The following HELLS variants were observed in gnomAD, a reference collection of about 807,000 sequenced individuals.
The protein encoded by HELLS is helicase, lymphoid specific.
In HELLS, 32 loss-of-function variants were observed where a neutral mutation model predicts 120.0. The ratio of observed to expected loss-of-function variants is 0.27; its 90% CI spans 0.20 to 0.36. The LOEUF is 0.36. Among genes scored for constraint, HELLS ranks in the 10% least tolerant of loss-of-function variants. The probability of loss-of-function intolerance (pLI) is 1.00; values close to 1 mark genes in which losing one functional copy is unlikely to be tolerated. For synonymous variants in HELLS, 341 were observed against 323.4 expected, an observed-to-expected ratio of 1.05 and a Z score of -0.58; for missense variants, 650 against 993.4, an observed-to-expected ratio of 0.65 and a Z score of 4.65.
At chr10:94,547,825 A>G (rs1842808124) in intron 2 of HELLS, among the ~76,000 whole-genome samples, 1 of 152,178 alleles carries the variant, frequency 6.6e-6, no homozygotes, top group Non-Finnish European at 1.5e-5. Context: ...TCTAGAATGC[A>G]CATTTTTTAA....
At chr10:94,576,549 A>T (rs1844494560) in intron 9 of HELLS, 113 bp from the exon 10 acceptor site, 2 of 556,340 alleles carry the variant, frequency 3.6e-6, no homozygotes. Context: ...GAAAAATAGA[A>T]ATAAAATTTT....
intron 21 of HELLS, 50 bp downstream of exon 21, chr10:94,597,161 T>TA: frequency 9.7e-7 from 1 of 1,027,862 alleles, no homozygotes; most frequent in Non-Finnish European, 1.5e-6. Context: ...TACACTTAAT[T>TA]AGCATAATGT....
rs918155667 is a variant in HELLS at position 94,548,186 on chromosome 10, G to C, written c.153+1688G>C. Among the ~76,000 whole-genome samples the C allele has an allele frequency of 2.0e-5, 3 of 152,292 alleles. No individual in the cohort carries two copies. In the East Asian group the frequency reaches 5.8e-4, roughly 29 times the overall value. The stretch of plus-strand genomic sequence containing the variant: ...GCACCTGGCACATAGTAGGCAATCA[G>C]TAAGTGCTTATTGAATAGCTAACGA... On this transcript the variant is annotated intron_variant, in intron 2 of 21. Transcript: ENST00000348459.
chr10:94,561,878 C>CCCTACCT (rs1843571654), intron 4 of HELLS, among the ~76,000 whole-genome samples: 1 of 151,776 alleles, frequency 6.6e-6, no homozygotes, highest in African/African-American at 2.4e-5. Flanking sequence ...ATTTCATTCA[C>CCCTACCT]AATGAATATT....
chr10:94,595,715 C>T (rs1219665440), intron 19 of HELLS, among the ~76,000 whole-genome samples: 1 of 152,142 alleles, frequency 6.6e-6, no homozygotes, highest in East Asian at 1.9e-4. Context: ...ATACTTCTAT[C>T]CATTCACCAT....
downstream of HELLS, among the ~76,000 whole-genome samples, chr10:94,603,987 C>G (rs1846097815): frequency 6.6e-6 from 1 of 152,122 alleles, no homozygotes; most frequent in Non-Finnish European, 1.5e-5. Context: ...GCCACCATGC[C>G]TGGCTAATTT....
At chr10:94,579,201 CTTTT>C (rs11431624) in intron 10 of HELLS, among the ~76,000 whole-genome samples, 22,545 of 133,742 alleles carry the variant, frequency 0.17, 1,949 homozygotes, top group East Asian at 0.38. Flanking sequence ...CTACTTTTTT[CTTTT>C]TTTTTTTTTT....
At chr10:94,581,212 A>G (rs1844852134) in intron 10 of HELLS, 114 bp from the exon 11 acceptor site, 1 of 582,258 alleles carries the variant, frequency 1.7e-6, no homozygotes, top group Non-Finnish European at 2.9e-6. Flanking sequence ...CTGAAATTAC[A>G]TTTGATAAAA....
At chr10:94,553,683 G>T (rs1843098522) in intron 2 of HELLS, among the ~76,000 whole-genome samples, 2 of 151,578 alleles carry the variant, frequency 1.3e-5, no homozygotes, top group South Asian at 4.2e-4. Flanking sequence ...CAAGTAGCTG[G>T]GATTACAGGC....
downstream of HELLS, among the ~76,000 whole-genome samples, chr10:94,602,944 T>G (rs1184764761): frequency 6.6e-6 from 1 of 152,188 alleles, no homozygotes; most frequent in Non-Finnish European, 1.5e-5. Flanking sequence ...AATGACTGGT[T>G]TCATAGTTTT....
chr10:94,583,069 G>C lies in HELLS; in HGVS notation c.1326+10G>C, dbSNP rs557119580. On this transcript the variant is annotated intron_variant, in intron 12 of 21. Transcript: ENST00000348459. ...GCATATGCTGCACCAGGTTTTCCAT[G>C]TTTTCTTATTCTGCTTAACCATAGG... 2.6e-6 allele frequency: 4 copies of C among 1,510,706 alleles called. No individual in the cohort carries two copies. The South Asian group carries it at 3.6e-5, about 14-fold the overall frequency. 93.6% of individuals were successfully genotyped at this position (1,510,706 alleles called of 1,614,324 possible). A position where few individuals can be genotyped will look rare whatever the true frequency, so the allele number is the denominator to read the frequency against.
chr10:94,592,638 G>GT, intron 17 of HELLS, 124 bp downstream of exon 17: 1 of 617,004 alleles, frequency 1.6e-6, no homozygotes. Context: ...AAACCCTGTG[G>GT]TTTTATCAAA....
At chr10:94,604,014 G>T (rs1032274245), downstream of HELLS, among the ~76,000 whole-genome samples, 1 of 151,666 alleles carries the variant, frequency 6.6e-6, no homozygotes, top group African/African-American at 2.4e-5. Flanking sequence ...TTTTAGTAGA[G>T]ACTGGGTTTC....
intron 6 of HELLS, among the ~76,000 whole-genome samples, chr10:94,568,493 A>G (rs1445066472): frequency 6.6e-6 from 1 of 151,838 alleles, no homozygotes; most frequent in Non-Finnish European, 1.5e-5. Flanking sequence ...GAGTCATTTC[A>G]TTTGCTGCTA....
downstream of HELLS, among the ~76,000 whole-genome samples, chr10:94,604,999 C>T (rs1255519118): frequency 6.7e-6 from 1 of 149,764 alleles, no homozygotes; most frequent in East Asian, 2.0e-4. Flanking sequence ...CTGGAACCTT[C>T]CTTTACCATA....
At chr10:94,550,491 G>A (rs758904605) in intron 2 of HELLS, among the ~76,000 whole-genome samples, 21 of 151,918 alleles carry the variant, frequency 1.4e-4, no homozygotes, top group Admixed American at 2.6e-4. Context: ...CATATTGGCC[G>A]GCCTGGTCTC....
At chr10:94,558,736 G>GAGTC (rs1432773504) in intron 4 of HELLS, among the ~76,000 whole-genome samples, 2 of 151,970 alleles carry the variant, frequency 1.3e-5, no homozygotes, top group Non-Finnish European at 2.9e-5. Context: ...CGAGTAGCTG[G>GAGTC]GACTACAGGC....
At chr10:94,558,938 G>A (rs1843409469) in intron 4 of HELLS, among the ~76,000 whole-genome samples, 1 of 152,058 alleles carries the variant, frequency 6.6e-6, no homozygotes, top group African/African-American at 2.4e-5. Context: ...TTTTTAGGTA[G>A]AGGTACTTTT....
chr10:94,549,664 C>T (rs751276621), intron 2 of HELLS, among the ~76,000 whole-genome samples: 1 of 152,080 alleles, frequency 6.6e-6, no homozygotes, highest in Non-Finnish European at 1.5e-5. Context: ...TTTCTGCCCT[C>T]GGTGTCCATT....
Sources: allele counts gnomAD v4.1 joint callset (sites outside exome capture counted in the v4.1 genomes callset), GRCh38; gene constraint gnomAD v4.1.1; transcripts MANE v1.5; gene names NCBI Gene and HGNC (gene_info 2026-07-23, HGNC 2026-07-21).